The following PLCB1 variants were observed in gnomAD, a reference collection of about 807,000 sequenced individuals.
PLCB1 encodes 1-phosphatidylinositol 4,5-bisphosphate phosphodiesterase beta-1.
In PLCB1, 46 loss-of-function variants were observed where a neutral mutation model predicts 161.8. The ratio of observed to expected loss-of-function variants is 0.28; its 90% CI spans 0.22 to 0.36. The LOEUF (loss-of-function observed/expected upper bound fraction) is 0.36. PLCB1 is among the 10% of genes least tolerant of loss of function. The pLI is 1.00. For synonymous variants in PLCB1, 517 were observed against 503.7 expected, an observed-to-expected ratio of 1.03 and a Z score of -0.35; for missense variants, 1,016 against 1,472.5, an observed-to-expected ratio of 0.69 and a Z score of 5.07.
Position 8,733,294 on chromosome 20 carries a change from A to G in PLCB1, c.1945A>G (p.Arg649Gly), listed in dbSNP as rs1219807693. The G allele has an allele frequency of 6.2e-7, 1 of 1,613,948 alleles. No individual in the cohort carries two copies. The change falls in exon 19 of 32, where the codon AGA becomes GGA. Residue 649 changes from arginine (R) to glycine (G), a missense_variant. By Grantham distance (125) the Arg-to-Gly change is moderately radical. Transcript: ENST00000338037. ...MYEYNGKSGY[R>G]LKPEFMRRPD... is the part of the protein sequence containing the mutation. ...TGAATACAACGGGAAGAGTGGCTAC[A>G]GATTGAAGCCAGAGTTCATGAGGAG...
chr20:8,326,843 G>A (rs548535478), intron 2 of PLCB1, among the ~76,000 whole-genome samples: 1 of 152,292 alleles, frequency 6.6e-6, no homozygotes, highest in East Asian at 1.9e-4. Context: ...TGACAGGGCT[G>A]CTTTCACAGC....
chr20:8,484,362 CTTCT>C (rs1274820906), intron 3 of PLCB1, among the ~76,000 whole-genome samples: 3 of 148,460 alleles, frequency 2.0e-5, no homozygotes, highest in African/African-American at 7.6e-5. Flanking sequence ...GCTTCTTCTT[CTTCT>C]TTTTTTTTTT....
chr20:8,396,124 A>T (rs55736672), intron 3 of PLCB1, among the ~76,000 whole-genome samples: 2,710 of 152,198 alleles, frequency 0.018, 91 homozygotes, highest in African/African-American at 0.062. Flanking sequence ...TTACTTTTGT[A>T]AGTTGAGCTT....
chr20:8,742,399 A>C (rs1980929437), intron 23 of PLCB1, among the ~76,000 whole-genome samples: 1 of 152,154 alleles, frequency 6.6e-6, no homozygotes, highest in Non-Finnish European at 1.5e-5. Flanking sequence ...TTATCCATTA[A>C]ATAGTCCATT....
At chr20:8,289,202 A>C (rs1339612995) in intron 2 of PLCB1, among the ~76,000 whole-genome samples, 2 of 152,198 alleles carry the variant, frequency 1.3e-5, no homozygotes, top group Admixed American at 6.5e-5. Context: ...TAGTTGAGAT[A>C]GTAATAGCTA....
chr20:8,379,770 A>G (rs1240770929), intron 3 of PLCB1, among the ~76,000 whole-genome samples: 1 of 151,952 alleles, frequency 6.6e-6, no homozygotes, highest in African/African-American at 2.4e-5. Context: ...GTGTCTGTTC[A>G]TATCCTTTGC....
intron 27 of PLCB1, 63 bp downstream of exon 27, chr20:8,774,782 T>C: frequency 7.1e-7 from 1 of 1,399,460 alleles, no homozygotes; most frequent in Non-Finnish European, 9.8e-7. Context: ...AAACTTTGGA[T>C]ACTTTTGGAT....
chr20:8,225,187 C>T (rs944187620), intron 2 of PLCB1, among the ~76,000 whole-genome samples: 10 of 152,276 alleles, frequency 6.6e-5, no homozygotes, highest in South Asian at 4.1e-4. Flanking sequence ...GTCACATCTA[C>T]GAACTTAACA....
At chr20:8,710,639 C>T (rs1289153546) in intron 12 of PLCB1, among the ~76,000 whole-genome samples, 2 of 151,142 alleles carry the variant, frequency 1.3e-5, no homozygotes, top group Non-Finnish European at 1.5e-5. Context: ...CTCAGCCTTC[C>T]GAGTAGCTGG....
chr20:8,609,948 T>G (rs1987859907), intron 3 of PLCB1, among the ~76,000 whole-genome samples: 1 of 151,648 alleles, frequency 6.6e-6, no homozygotes. Context: ...AATTCAGTGG[T>G]TTTTAGTATA....
rs925384452 is a variant in PLCB1, at chr20:8,740,351, C to T, written c.2316C>T (p.His772=). The T allele has an allele frequency of 9.5e-6, 15 of 1,586,386 alleles. No individual in the cohort carries two copies. Among genetic ancestry groups the T allele is most frequent in the Non-Finnish European group, 1.3e-5 (15 of 1,158,162 alleles). Residue 772 remains histidine, a synonymous_variant, in exon 22 of 32, where the codon CAC becomes CAT. Coordinates refer to ENST00000338037, the MANE Select transcript of PLCB1 (RefSeq NM_015192.4). ...ATTATTCTCACCTTCCAGGCTATCA[C>T]TATATCTGTCTAAGGAATGAAAGGA... ...LPVQAIRPGY[H]YICLRNERNQ... is the part of the protein sequence containing the mutation.
intron 30 of PLCB1, 50 bp downstream of exon 30, chr20:8,789,625 T>A (rs1167538947): frequency 7.3e-7 from 1 of 1,368,880 alleles, no homozygotes; most frequent in South Asian, 1.2e-5. Context: ...TGTGAACATT[T>A]GGTGAGCTCG....
intron 3 of PLCB1, among the ~76,000 whole-genome samples, chr20:8,417,336 A>G (rs1979345276): frequency 6.6e-6 from 1 of 151,288 alleles, no homozygotes; most frequent in Non-Finnish European, 1.5e-5. Context: ...TATATTATGT[A>G]TACACACACA....
intron 9 of PLCB1, among the ~76,000 whole-genome samples, chr20:8,671,827 C>A (rs1239089345): frequency 6.6e-6 from 1 of 152,166 alleles, no homozygotes; most frequent in Non-Finnish European, 1.5e-5. Context: ...TCTGTCTTTC[C>A]ATTGCCCAGG....
At chr20:8,183,691 C>T (rs559684090) in intron 2 of PLCB1, among the ~76,000 whole-genome samples, 8 of 152,148 alleles carry the variant, frequency 5.3e-5, no homozygotes, top group South Asian at 4.2e-4. Context: ...TGTTTTAGTT[C>T]GGAATGTCAA....
At chr20:8,823,188 T>G (rs946878753) in intron 31 of PLCB1, among the ~76,000 whole-genome samples, 1 of 152,202 alleles carries the variant, frequency 6.6e-6, no homozygotes, top group African/African-American at 2.4e-5. Context: ...AGTGACGCAA[T>G]CTAGGCTCAC....
rs1288576760 is a variant in PLCB1 at position 8,132,325 on chromosome 20, C to T, written c.-327C>T. Reference sequence around the variant, plus strand: ...TGAATGGTGCGCTTTGAGGCGGCGGCGGCGGAGGAGCAGAATCCGCCGCGA... The same window carrying T: ...TGAATGGTGCGCTTTGAGGCGGCGGTGGCGGAGGAGCAGAATCCGCCGCGA... On this transcript the variant is annotated 5_prime_UTR_variant, in exon 1 of 32. Transcript: ENST00000338037. This position sits in a 1 kb window ranked among gnomAD's most constrained non-coding sequence, Gnocchi z 5.2. The T allele has an allele frequency of 3.3e-5, 7 of 210,722 alleles. No homozygotes were observed. The East Asian group carries it at 5.3e-4, about 16-fold the overall frequency. 13.1% of individuals were successfully genotyped at this position (210,722 alleles called of 1,614,324 possible).
chr20:8,640,609 C>A (rs1988921054), intron 4 of PLCB1, among the ~76,000 whole-genome samples: 1 of 152,108 alleles, frequency 6.6e-6, no homozygotes, highest in Non-Finnish European at 1.5e-5. Context: ...GAGGGATTGA[C>A]ATGAAATCCA....
chr20:8,812,671 C>G (rs960659666), intron 31 of PLCB1, among the ~76,000 whole-genome samples: 2 of 152,122 alleles, frequency 1.3e-5, no homozygotes, highest in African/African-American at 4.8e-5. Context: ...TGCCTTTCTC[C>G]CCCTTGGAAG....
Sources: gnomAD v4.1 joint callset for allele counts (sites outside exome capture counted in the v4.1 genomes callset) on GRCh38, gnomAD v4.1.1 for gene constraint, Gnocchi (gnomAD v3.1) non-coding constraint, MANE v1.5 for transcripts, NCBI Gene and HGNC (gene_info 2026-07-23, HGNC 2026-07-21) for gene names.